The following ZDHHC14 variants were observed in gnomAD, a reference collection of about 807,000 sequenced individuals.
ZDHHC14 encodes the protein zDHHC palmitoyltransferase 14, also known as palmitoyltransferase ZDHHC14.
ZDHHC14 carries 16 observed loss-of-function variants against 47.7 expected under a neutral mutation model. That is an observed-to-expected ratio of 0.34 (90% CI 0.23 to 0.51). The LOEUF (loss-of-function observed/expected upper bound fraction) is 0.51, where lower values mean the gene tolerates loss of function less well. Ranked by LOEUF, ZDHHC14 falls within the 20% of genes least tolerant of loss-of-function variation. ZDHHC14 has a pLI of 0.97. For synonymous variants in ZDHHC14, 293 were observed against 278.9 expected (o/e 1.05, Z -0.50); for missense variants, 515 against 662.5 (o/e 0.78, Z 2.44).
At chr6:157,436,007 G>A (rs773753681) in intron 1 of ZDHHC14, among the ~76,000 whole-genome samples, 5 of 152,108 alleles carry the variant, frequency 3.3e-5, no homozygotes, top group Non-Finnish European at 7.3e-5. Flanking sequence ...AAGAATTAGG[G>A]CAGGTTGTAG....
rs762588679 is a variant in ZDHHC14 at position 157,645,743 on chromosome 6, G to A, written c.759G>A (p.Leu253=). The change falls in exon 6 of 9, where the codon CTG becomes CTA. Residue 253 remains leucine (L), a synonymous_variant. Transcript: ENST00000359775. ...NALKDSPASV[L]EAVVCFFSVW... ...CCTCCTTGACTCGCATCACCGTCCT[G>A]GAGGCTGTGGTGTGCTTCTTCTCTG... 2.5e-6 allele frequency: 4 copies of A among 1,613,910 alleles called. No homozygotes were observed. In the East Asian group the frequency reaches 8.9e-5, roughly 36 times the overall value.
Position 157,676,951 on chromosome 6 carries a change from C to T in ZDHHC14, c.*3829C>T, listed in dbSNP as rs933869495. 3.3e-5 allele frequency: 5 copies of T among 152,178 alleles called. No individual in the cohort carries two copies. Among genetic ancestry groups the T allele is most frequent in the African/African-American group, 1.2e-4 (5 of 41,434 alleles). The allele number at this position is 152,178 out of a possible 1,614,324, so 9.4% of individuals were successfully genotyped here. A position where few individuals can be genotyped will look rare whatever the true frequency, so the allele number is the denominator to read the frequency against. On this transcript the variant is annotated 3_prime_UTR_variant, in exon 9 of 9. Coordinates refer to ENST00000359775, the MANE Select transcript of ZDHHC14 (RefSeq NM_024630.3). ...CAGAAGGAGCTGCCCTTCATCCATC[C>T]ACAAGAATACATTGAGTTCATTTAG...
At chr6:157,612,073 A>G (rs1784771387) in intron 3 of ZDHHC14, among the ~76,000 whole-genome samples, 1 of 152,120 alleles carries the variant, frequency 6.6e-6, no homozygotes, top group Admixed American at 6.5e-5. Flanking sequence ...CCCCATTCAC[A>G]GGCTACACAG....
At chr6:157,578,068 A>G (rs1381010522) in intron 2 of ZDHHC14, among the ~76,000 whole-genome samples, 1 of 151,922 alleles carries the variant, frequency 6.6e-6, no homozygotes, top group African/African-American at 2.4e-5. Flanking sequence ...AAATTCATTT[A>G]AGCTCCTTAC....
intron 1 of ZDHHC14, among the ~76,000 whole-genome samples, chr6:157,420,771 G>C (rs1011109704): frequency 1.3e-5 from 2 of 152,228 alleles, no homozygotes; most frequent in Non-Finnish European, 2.9e-5. Flanking sequence ...ACAACATCAA[G>C]GACGGATGGG....
At chr6:157,519,793 C>G (rs1239604332) in intron 1 of ZDHHC14, among the ~76,000 whole-genome samples, 3 of 152,242 alleles carry the variant, frequency 2.0e-5, no homozygotes, top group Non-Finnish European at 4.4e-5. Flanking sequence ...TCTTGAGCAT[C>G]TGACAGGAGC....
chr6:157,468,880 G>A lies in ZDHHC14; in HGVS notation c.246-73705G>A, dbSNP rs889105390. The stretch of plus-strand genomic sequence containing the variant: ...GAAAAATTTGACGCTCAGACGTGGC[G>A]CAGGATTTAAGATCATTTAACTGGT... On this transcript the variant is annotated intron_variant, in intron 1 of 8. Transcript: ENST00000359775. 7.9e-5 allele frequency among the ~76,000 whole-genome samples: 12 copies of A among 152,254 alleles called. No individual in the cohort carries two copies. In the Middle Eastern group the frequency reaches 0.01, roughly 129 times the overall value.
chr6:157,415,804 G>A (rs1053280005), intron 1 of ZDHHC14, among the ~76,000 whole-genome samples: 1 of 151,828 alleles, frequency 6.6e-6, no homozygotes, highest in African/African-American at 2.4e-5. Flanking sequence ...AACCTGGGAG[G>A]CAGAGATTGC....
chr6:157,393,765 C>T (rs3891131), intron 1 of ZDHHC14, among the ~76,000 whole-genome samples: 1 of 152,160 alleles, frequency 6.6e-6, no homozygotes, highest in East Asian at 1.9e-4. Flanking sequence ...ATGTTCCTCT[C>T]CCACTTACCT....
chr6:157,594,986 A>T (rs1784063624), intron 3 of ZDHHC14, among the ~76,000 whole-genome samples: 1 of 152,052 alleles, frequency 6.6e-6, no homozygotes, highest in Non-Finnish European at 1.5e-5. Flanking sequence ...GTCATTCTGC[A>T]TGCCTTCTCC....
chr6:157,395,058 G>A (rs1312912347), intron 1 of ZDHHC14, among the ~76,000 whole-genome samples: 1 of 148,408 alleles, frequency 6.7e-6, no homozygotes, highest in African/African-American at 2.5e-5. Context: ...TTCATCTCGT[G>A]TGCCCTGGTG....
chr6:157,571,776 A>AT (rs548623336), intron 2 of ZDHHC14, among the ~76,000 whole-genome samples: 49,499 of 122,354 alleles, frequency 0.4, 10,083 homozygotes, highest in East Asian at 0.58. Context: ...AGGAATCTGT[A>AT]TTTTTTTTTT....
chr6:157,416,762 T>C (rs1777981200), intron 1 of ZDHHC14, among the ~76,000 whole-genome samples: 1 of 149,656 alleles, frequency 6.7e-6, no homozygotes, highest in Non-Finnish European at 1.5e-5. Flanking sequence ...TGAAAACTAA[T>C]TCACCTCCCA....
chr6:157,547,732 C>A (rs1275912381), intron 2 of ZDHHC14, among the ~76,000 whole-genome samples: 1 of 131,400 alleles, frequency 7.6e-6, no homozygotes, highest in Non-Finnish European at 1.6e-5. Flanking sequence ...GGAGTCATTT[C>A]TTCTCTGCAT....
chr6:157,515,192 G>A (rs141460509), intron 1 of ZDHHC14, among the ~76,000 whole-genome samples: 151 of 152,236 alleles, frequency 9.9e-4, no homozygotes, highest in African/African-American at 2.7e-3. Context: ...GTACTAATGA[G>A]TCATCCCACA....
intron 1 of ZDHHC14, among the ~76,000 whole-genome samples, chr6:157,529,778 CA>C (rs1173239633): frequency 6.6e-6 from 1 of 152,136 alleles, no homozygotes; most frequent in African/African-American, 2.4e-5. Flanking sequence ...GTGTAGAGTG[CA>C]AAACAGAAGT....
At chr6:157,636,240 G>T (rs887101114) in intron 5 of ZDHHC14, among the ~76,000 whole-genome samples, 1 of 151,852 alleles carries the variant, frequency 6.6e-6, no homozygotes, top group Non-Finnish European at 1.5e-5. Context: ...CCTTAGATGT[G>T]TGTGTATGTA....
At chr6:157,389,154 AG>A (rs1427136145) in intron 1 of ZDHHC14, among the ~76,000 whole-genome samples, 1 of 152,180 alleles carries the variant, frequency 6.6e-6, no homozygotes, top group Non-Finnish European at 1.5e-5. Flanking sequence ...GTAATTCTGC[AG>A]ATGGCCTAAC....
intron 3 of ZDHHC14, among the ~76,000 whole-genome samples, chr6:157,613,030 T>TG (rs1347559958): frequency 2.0e-5 from 3 of 152,052 alleles, no homozygotes; most frequent in Non-Finnish European, 4.4e-5. Context: ...TTAAAAAAAA[T>TG]TAAGTCTGAT....
Sources: allele counts gnomAD v4.1 joint callset (sites outside exome capture counted in the v4.1 genomes callset), GRCh38; gene constraint gnomAD v4.1.1; transcripts MANE v1.5; gene names NCBI Gene and HGNC (gene_info 2026-07-23, HGNC 2026-07-21).